Variants in MKKS observed in about 807,000 individuals in gnomAD.
MKKS encodes the protein molecular chaperone MKKS.
Under a neutral mutation model 33.2 loss-of-function variants are expected in MKKS, and 29 were observed. The observed-to-expected ratio is 0.87, with a 90% CI of 0.65 to 1.19. The LOEUF (loss-of-function observed/expected upper bound fraction) is 1.19. MKKS is among the 50% of genes most tolerant of loss of function. The pLI is 0.00. For missense variants in MKKS, 661 were observed against 662.3 expected (o/e 1.00, Z 0.02); for synonymous variants, 260 against 244.0 (o/e 1.07, Z -0.61).
chr20:10,424,409 A>G (rs1204741797), intron 1 of MKKS, among the ~76,000 whole-genome samples: 1 of 152,058 alleles, frequency 6.6e-6, no homozygotes, highest in African/African-American at 2.4e-5. Context: ...GAAAAAACAT[A>G]TATTTTTAAA....
intron 1 of MKKS, among the ~76,000 whole-genome samples, chr20:10,433,341 A>G (rs2065068531): frequency 6.6e-6 from 1 of 152,166 alleles, no homozygotes; most frequent in African/African-American, 2.4e-5. Context: ...GGTTGAATTC[A>G]CACATGCGGA....
intron 1 of MKKS, among the ~76,000 whole-genome samples, chr20:10,421,600 G>A (rs751641728): frequency 2.1e-4 from 32 of 152,056 alleles, no homozygotes; most frequent in Non-Finnish European, 3.5e-4. Context: ...TGGCTTGAAC[G>A]CTACAAATCA....
rs2064820501 is a variant in MKKS, at chr20:10,403,331, C to A, written c.*1916G>T. The A allele has an allele frequency of 6.6e-6, 1 of 152,206 alleles. No homozygotes were observed. The highest frequency in any genetic ancestry group is 2.4e-5 in the African/African-American group (1 of 41,438). 9.4% of individuals were successfully genotyped at this position (152,206 alleles called of 1,614,324 possible). ...GTCCCACCTACACCCAGAGAGTGAA[C>A]CACCAGGAAGTGAGATTATTGGGAA... On this transcript the variant is annotated 3_prime_UTR_variant, in exon 6 of 6. Coordinates refer to ENST00000347364, the MANE Select transcript of MKKS (RefSeq NM_170784.3).
chr20:10,415,221 C>T (rs1275810271), intron 2 of MKKS, among the ~76,000 whole-genome samples: 4 of 152,024 alleles, frequency 2.6e-5, no homozygotes, highest in East Asian at 1.9e-4. Context: ...GTATATTATT[C>T]GTTAGTATTT....
In MKKS at chr20:10,402,628, T is replaced by A. The variant is rs924618362; in HGVS notation, c.*2619A>T. 2.0e-5 allele frequency: 3 copies of A among 152,128 alleles called. No individual in the cohort carries two copies. The highest frequency in any genetic ancestry group is 4.4e-5 in the Non-Finnish European group (3 of 68,018). 9.4% of individuals were successfully genotyped at this position (152,128 alleles called of 1,614,324 possible). A position where few individuals can be genotyped will look rare whatever the true frequency, so the allele number is the denominator to read the frequency against. ...AAGTAGAAGCCCCTAATCTATAAGA[T>A]CAATTGGAGAGGTTCGCTGTGTCAC... On this transcript the variant is annotated 3_prime_UTR_variant, in exon 6 of 6. Transcript: ENST00000347364.
rs930233165 is a variant in MKKS at position 10,405,178 on chromosome 20, T to C, written c.*69A>G. ...GGGCTTTGGGAGAAAACAAATACAC[T>C]CACAATTTTTCTCAATTGCCAACAG... On this transcript the variant is annotated 3_prime_UTR_variant, in exon 6 of 6. Coordinates refer to ENST00000347364, the MANE Select transcript of MKKS (RefSeq NM_170784.3). The C allele has an allele frequency of 1.2e-5, 15 of 1,288,438 alleles. No homozygotes were observed. In the African/African-American group the frequency reaches 1.9e-4, roughly 17 times the overall value. 79.8% of individuals were successfully genotyped at this position (1,288,438 alleles called of 1,614,324 possible).
At chr20:10,408,208 T>A (rs2064856264) in intron 4 of MKKS, among the ~76,000 whole-genome samples, 1 of 152,196 alleles carries the variant, frequency 6.6e-6, no homozygotes, top group Non-Finnish European at 1.5e-5. Flanking sequence ...TTGTGACCAA[T>A]CCCATAGATT....
At chr20:10,414,563 C>T (rs1020008697) in intron 2 of MKKS, among the ~76,000 whole-genome samples, 2 of 152,130 alleles carry the variant, frequency 1.3e-5, no homozygotes, top group South Asian at 4.1e-4. Context: ...CTGTGCCCGG[C>T]AAGTCTCTGA....
In MKKS at chr20:10,405,267, CAT is replaced by C; in HGVS notation, c.1691_1692del (p.Tyr564CysfsTer3). ...ETANLILDLS[Y>X]VIEDKN The stretch of plus-strand genomic sequence containing the variant: ...TTCTCTTAGTTTTTATCTTCAATAA[CAT>C]ATGAAAGATCCAAAATCAAATTGGC... On this transcript the variant is annotated frameshift_variant, in exon 6 of 6. Coordinates refer to ENST00000347364, the MANE Select transcript of MKKS (RefSeq NM_170784.3). LOFTEE classifies it high-confidence loss of function. 1 of 1,612,584 alleles carries C rather than the reference CAT, an allele frequency of 6.2e-7. No individual in the cohort carries two copies. Among genetic ancestry groups the C allele is most frequent in the Non-Finnish European group, 8.5e-7 (1 of 1,179,238 alleles).
intron 1 of MKKS, among the ~76,000 whole-genome samples, chr20:10,427,081 A>ACACACAC (rs1289564841): frequency 1.2e-5 from 1 of 85,700 alleles, no homozygotes; most frequent in Admixed American, 1.1e-4. Flanking sequence ...CACACACACA[A>ACACACAC]AGTAAGGTTA....
intron 5 of MKKS, among the ~76,000 whole-genome samples, chr20:10,406,206 T>G (rs2064843311): frequency 1.3e-5 from 2 of 152,224 alleles, no homozygotes; most frequent in Non-Finnish European, 2.9e-5. Flanking sequence ...CTCTTTAAAT[T>G]AATGAAAAGG....
intron 1 of MKKS, among the ~76,000 whole-genome samples, chr20:10,422,242 G>A (rs191383509): frequency 6.6e-6 from 1 of 151,960 alleles, no homozygotes; most frequent in Non-Finnish European, 1.5e-5. Flanking sequence ...TTAATTACTA[G>A]ATAGAGGAAA....
intron 4 of MKKS, 24 bp from the exon 5 acceptor site, chr20:10,407,750 G>C (rs965641745): frequency 1.7e-5 from 27 of 1,546,934 alleles, no homozygotes; most frequent in Non-Finnish European, 2.2e-5. Context: ...CAAATCATCA[G>C]AATCAGACGT....
intron 4 of MKKS, among the ~76,000 whole-genome samples, 156 bp downstream of exon 4, chr20:10,408,472 G>A (rs923874835): frequency 6.6e-6 from 1 of 152,074 alleles, no homozygotes; most frequent in Admixed American, 6.5e-5. Flanking sequence ...AATGCCACAG[G>A]CATTTAAATT....
intron 1 of MKKS, among the ~76,000 whole-genome samples, chr20:10,424,567 TCATTG>T (rs1049492398): frequency 6.6e-6 from 1 of 152,092 alleles, no homozygotes; most frequent in African/African-American, 2.4e-5. Flanking sequence ...CTAGCAAAGC[TCATTG>T]CTAGTTTTAC....
rs2064819847 is a variant in MKKS, at chr20:10,403,226, C to T, written c.*2021G>A. ...GAGAGAGAAGGCATCAAGAGACAAA[C>T]TCATCTTTTTACCACCAAATATCAG... On this transcript the variant is annotated 3_prime_UTR_variant, in exon 6 of 6. Coordinates refer to ENST00000347364, the MANE Select transcript of MKKS (RefSeq NM_170784.3). The T allele has an allele frequency of 2.6e-5, 4 of 152,200 alleles. No individual in the cohort carries two copies. The South Asian group carries it at 6.2e-4, about 24-fold the overall frequency. The allele number at this position is 152,200 out of a possible 1,614,324, so 9.4% of individuals were successfully genotyped here. A position where few individuals can be genotyped will look rare whatever the true frequency, so the allele number is the denominator to read the frequency against.
At chr20:10,431,169 T>A (rs778831257) in intron 1 of MKKS, among the ~76,000 whole-genome samples, 3 of 152,176 alleles carry the variant, frequency 2.0e-5, no homozygotes, top group Non-Finnish European at 4.4e-5. Context: ...TATATAAAAA[T>A]AGGCACCCCT....
intron 1 of MKKS, among the ~76,000 whole-genome samples, chr20:10,429,882 T>C (rs1028166773): frequency 6.6e-6 from 1 of 152,216 alleles, no homozygotes; most frequent in African/African-American, 2.4e-5. Flanking sequence ...CCTCCTGACC[T>C]ACTGAGTCAG....
chr20:10,430,958 AGTC>A (rs2065050160), intron 1 of MKKS, among the ~76,000 whole-genome samples: 1 of 152,200 alleles, frequency 6.6e-6, no homozygotes, highest in Admixed American at 6.5e-5. Context: ...CGAGAATCAA[AGTC>A]TAACCTCCAC....
Sources: allele counts gnomAD v4.1 joint callset (sites outside exome capture counted in the v4.1 genomes callset), GRCh38; gene constraint gnomAD v4.1.1; transcripts MANE v1.5; gene names NCBI Gene and HGNC (gene_info 2026-07-23, HGNC 2026-07-21).